RHOT1: variants seen among roughly 807,000 people sequenced by gnomAD.
RHOT1 encodes ras homolog family member T1, also known as mitochondrial Rho GTPase 1.
In RHOT1, 27 loss-of-function variants were observed where a neutral mutation model predicts 95.3. That is an observed-to-expected ratio of 0.28 (90% CI 0.21 to 0.39). The LOEUF (loss-of-function observed/expected upper bound fraction) is 0.39, where lower values mean the gene tolerates loss of function less well. Among genes scored for constraint, RHOT1 ranks in the 10% least tolerant of loss-of-function variants. The probability of loss-of-function intolerance (pLI) is 1.00; values close to 1 mark genes in which losing one functional copy is unlikely to be tolerated. For synonymous variants in RHOT1, 227 were observed against 263.5 expected, an observed-to-expected ratio of 0.86 and a Z score of 1.34; for missense variants, 578 against 786.7, an observed-to-expected ratio of 0.73 and a Z score of 3.17.
rs962772103 is a variant in RHOT1 at position 32,175,821 on chromosome 17, G to A, written c.223-141G>A. 12 of 543,176 alleles carry A rather than the reference G, an allele frequency of 2.2e-5. No individual in the cohort carries two copies. In the African/African-American group the frequency reaches 2.4e-4, roughly 11 times the overall value. 33.6% of individuals were successfully genotyped at this position (543,176 alleles called of 1,614,324 possible). ...TAGGAACATTTTCTCTTAGAGGCAA[G>A]CTAATTCTTTTTTTGTTTTTTTGTT... On this transcript the variant is annotated intron_variant, in intron 4 of 19. Coordinates refer to ENST00000545287, the MANE Select transcript of RHOT1 (RefSeq NM_001033566.3).
At chr17:32,193,451 G>A (rs2036646027) in intron 10 of RHOT1, among the ~76,000 whole-genome samples, 1 of 152,104 alleles carries the variant, frequency 6.6e-6, no homozygotes, top group East Asian at 1.9e-4. Flanking sequence ...ATTAGAGGTA[G>A]GGAAATTGGT....
chr17:32,186,766 G>A (rs1293837579), intron 8 of RHOT1, among the ~76,000 whole-genome samples: 1 of 152,008 alleles, frequency 6.6e-6, no homozygotes, highest in African/African-American at 2.4e-5. Context: ...GATTCAAGCA[G>A]TCCTCCCACT....
chr17:32,208,075 A>T, intron 17 of RHOT1, 32 bp from the exon 18 acceptor site: 1 of 1,577,948 alleles, frequency 6.3e-7, no homozygotes, highest in East Asian at 2.2e-5. Flanking sequence ...TGAACTTGTT[A>T]TCAGATTTTG....
At chr17:32,153,959 A>G (rs2032627965) in intron 1 of RHOT1, among the ~76,000 whole-genome samples, 1 of 152,172 alleles carries the variant, frequency 6.6e-6, no homozygotes, top group Non-Finnish European at 1.5e-5. Context: ...TCTGTGATCC[A>G]CAGAGAGCTC....
chr17:32,200,986 C>T lies in RHOT1; in HGVS notation c.1131C>T (p.Cys377=). 6.2e-7 allele frequency: 1 copy of T among 1,612,066 alleles called. No individual in the cohort carries two copies. Among genetic ancestry groups the T allele is most frequent in the Middle Eastern group, 1.7e-4 (1 of 6,056 alleles). Residue 377 remains cysteine (C), a synonymous_variant, in exon 14 of 20, where the codon TGC becomes TGT. Transcript: ENST00000545287. ...CGACTTATTTAGATGTACAGCGGTG[C>T]CTGGAATATTTGGGCTATCTAGGCT... is the stretch of plus-strand genomic sequence containing the variant. ...TLTTYLDVQR[C]LEYLGYLGYS...
intron 12 of RHOT1, 121 bp from the exon 13 acceptor site, chr17:32,199,284 A>G (rs2037137295): frequency 1.5e-5 from 14 of 948,282 alleles, no homozygotes; most frequent in Admixed American, 3.2e-5. Flanking sequence ...GATAAAATGT[A>G]AAATTTGTTG....
At chr17:32,194,943 A>G (rs1184296365) in intron 11 of RHOT1, among the ~76,000 whole-genome samples, 2 of 148,898 alleles carry the variant, frequency 1.3e-5, no homozygotes, top group African/African-American at 5.0e-5. Context: ...CTTCTGTCTC[A>G]GCTTCCCAAG....
intron 2 of RHOT1, chr17:32,173,073 TCTGAAGTATC>T (rs2034707169): frequency 6.6e-6 from 1 of 152,234 alleles, no homozygotes; most frequent in Admixed American, 6.5e-5. Flanking sequence ...CTGTGTCACA[TCTGAAGTATC>T]CTTAATGTAT....
intron 1 of RHOT1, among the ~76,000 whole-genome samples, chr17:32,154,714 GAAACCATGTC>G (rs1384000114): frequency 2.0e-5 from 3 of 151,442 alleles, no homozygotes. Context: ...CCAACATGGT[GAAACCATGTC>G]TTTACTAAAA....
At chr17:32,203,056 A>T in intron 15 of RHOT1, 156 bp downstream of exon 15, 1 of 732,824 alleles carries the variant, frequency 1.4e-6, no homozygotes, top group Non-Finnish European at 2.2e-6. Flanking sequence ...AATCCTGTTG[A>T]ACTGTCTTTG....
intron 8 of RHOT1, among the ~76,000 whole-genome samples, chr17:32,188,511 A>C (rs1047496752): frequency 6.6e-6 from 1 of 152,246 alleles, no homozygotes; most frequent in Non-Finnish European, 1.5e-5. Context: ...TTGTGCAAAG[A>C]GACATTTTCA....
chr17:32,190,517 C>T (rs1381143967), intron 8 of RHOT1, among the ~76,000 whole-genome samples: 1 of 151,672 alleles, frequency 6.6e-6, no homozygotes, highest in Non-Finnish European at 1.5e-5. Context: ...AAAATGTATC[C>T]CTTTATTATG....
At chr17:32,178,382 G>T (rs1194405836) in intron 6 of RHOT1, among the ~76,000 whole-genome samples, 1 of 152,114 alleles carries the variant, frequency 6.6e-6, no homozygotes, top group Non-Finnish European at 1.5e-5. Context: ...GGTGGAGACG[G>T]ACTTTCGCCG....
At chr17:32,190,213 TG>T (rs948859380) in intron 8 of RHOT1, among the ~76,000 whole-genome samples, 51 of 152,126 alleles carry the variant, frequency 3.4e-4, no homozygotes, top group African/African-American at 1.1e-3. Context: ...CCCAGCACTT[TG>T]GGGGGCCGAG....
intron 1 of RHOT1, among the ~76,000 whole-genome samples, chr17:32,153,259 A>G (rs982304886): frequency 1.3e-5 from 2 of 152,256 alleles, no homozygotes; most frequent in African/African-American, 4.8e-5. Flanking sequence ...ATATTAAGGT[A>G]GGCACATTTC....
At chr17:32,182,116 C>T (rs2035684128) in intron 6 of RHOT1, among the ~76,000 whole-genome samples, 1 of 152,156 alleles carries the variant, frequency 6.6e-6, no homozygotes, top group Non-Finnish European at 1.5e-5. Flanking sequence ...TACTCTATCC[C>T]CCTATTTATT....
intron 16 of RHOT1, among the ~76,000 whole-genome samples, chr17:32,204,506 T>G (rs2037555811): frequency 7.4e-6 from 1 of 134,502 alleles, no homozygotes. Context: ...GCCAAGATAA[T>G]GCCTGCCTGG....
At chr17:32,174,030 G>C in intron 3 of RHOT1, 118 bp downstream of exon 3, 1 of 721,244 alleles carries the variant, frequency 1.4e-6, no homozygotes, top group South Asian at 1.8e-5. Context: ...AGCAGTAAAT[G>C]ATCCTTTACG....
intron 15 of RHOT1, among the ~76,000 whole-genome samples, chr17:32,203,581 G>T (rs1412748877): frequency 6.6e-6 from 1 of 152,062 alleles, no homozygotes. Context: ...TATTAATCTC[G>T]ATCAGACCAA....
Sources: gnomAD v4.1 joint callset for allele counts (sites outside exome capture counted in the v4.1 genomes callset) on GRCh38, gnomAD v4.1.1 for gene constraint, MANE v1.5 for transcripts, NCBI Gene and HGNC (gene_info 2026-07-23, HGNC 2026-07-21) for gene names.